The following DPM1 variants were observed in gnomAD, a reference collection of about 807,000 sequenced individuals.
DPM1 encodes the protein dolichol-phosphate mannosyltransferase subunit 1.
In DPM1, 27 loss-of-function variants were observed where a neutral mutation model predicts 39.0. That is an observed-to-expected ratio of 0.69 (90% CI 0.51 to 0.95). DPM1 has a LOEUF of 0.95. DPM1 is among the 40% of genes least tolerant of loss of function. The probability of loss-of-function intolerance (pLI) is 0.00; values close to 1 mark genes in which losing one functional copy is unlikely to be tolerated. For missense variants in DPM1, 307 were observed against 315.6 expected, an observed-to-expected ratio of 0.97 and a Z score of 0.21; for synonymous variants, 124 against 109.0, an observed-to-expected ratio of 1.14 and a Z score of -0.86.
intron 7 of DPM1, among the ~76,000 whole-genome samples, chr20:50,939,929 G>A (rs1042463552): frequency 1.3e-5 from 2 of 152,108 alleles, no homozygotes; most frequent in African/African-American, 4.8e-5. Flanking sequence ...ACGCCCATCC[G>A]CAATCAGAGA....
intron 1 of DPM1, 62 bp downstream of exon 1, chr20:50,958,301 G>C: frequency 6.3e-7 from 1 of 1,596,080 alleles, no homozygotes; most frequent in Non-Finnish European, 8.5e-7. Context: ...GCCAGCTGCC[G>C]ACACCCGGGC....
chr20:50,953,602 CA>C lies in DPM1; in HGVS notation c.261+1583del, dbSNP rs1193231079. Among the ~76,000 whole-genome samples, 3 of 152,156 alleles carry C rather than the reference CA, an allele frequency of 2.0e-5. No homozygotes were observed. The East Asian group carries it at 5.8e-4, about 29-fold the overall frequency. On this transcript the variant is annotated intron_variant, in intron 2 of 8. Transcript: ENST00000371588. ...ATCTGGTAGTAGAGGGAAATCGTAA[CA>C]GTGAATGCAACTTTTTTTCTCATTT...
chr20:50,941,141 G>C, intron 6 of DPM1: 1 of 601,516 alleles, frequency 1.7e-6, no homozygotes, highest in Non-Finnish European at 2.9e-6. Flanking sequence ...GTAATCCCAG[G>C]AGGCCAAGAT....
At position 50,956,009 on chromosome 20, in the gene DPM1, T is replaced by C. The variant is rs555037874; in HGVS notation, c.162-724A>G. Reference sequence around the variant, plus strand: ...ATTATTCTTGTTAATCTGATCCAAATAGAATAATCAAGTATAAATCTGATT... The same window carrying C: ...ATTATTCTTGTTAATCTGATCCAAACAGAATAATCAAGTATAAATCTGATT... On this transcript the variant is annotated intron_variant, in intron 1 of 8. Coordinates refer to ENST00000371588, the MANE Select transcript of DPM1 (RefSeq NM_003859.3). Among the ~76,000 whole-genome samples the C allele has an allele frequency of 1.8e-4, 27 of 152,290 alleles. 1 individual carries two copies. In the South Asian group the frequency reaches 3.7e-3, roughly 21 times the overall value.
At chr20:50,955,320 C>T (rs1242679341) in intron 1 of DPM1, 35 bp from the exon 2 acceptor site, 1 of 1,415,954 alleles carries the variant, frequency 7.1e-7, no homozygotes, top group South Asian at 1.2e-5. Flanking sequence ...TGACTGATGA[C>T]AGTGTTCTCA....
intron 2 of DPM1, 84 bp downstream of exon 2, chr20:50,955,102 G>A (rs1228846414): frequency 9.3e-7 from 1 of 1,071,052 alleles, no homozygotes; most frequent in Non-Finnish European, 1.4e-6. Context: ...TAAACAAATA[G>A]ATTGAATTTA....
chr20:50,947,440 G>C (rs1986354640), intron 3 of DPM1, among the ~76,000 whole-genome samples: 1 of 152,168 alleles, frequency 6.6e-6, no homozygotes, highest in South Asian at 2.1e-4. Context: ...GAATCCCAAA[G>C]AATCTTCTGG....
At chr20:50,937,325 C>G (rs1033648249) in intron 7 of DPM1, among the ~76,000 whole-genome samples, 3 of 152,086 alleles carry the variant, frequency 2.0e-5, no homozygotes, top group African/African-American at 7.2e-5. Flanking sequence ...GTGTGCAATC[C>G]TTTATCCACA....
intron 7 of DPM1, among the ~76,000 whole-genome samples, chr20:50,937,906 G>T (rs1254285935): frequency 1.3e-5 from 2 of 151,990 alleles, no homozygotes; most frequent in Non-Finnish European, 2.9e-5. Context: ...TTAAACTCCT[G>T]GGCTCAAGAT....
chr20:50,943,640 G>A (rs999093787), intron 5 of DPM1, among the ~76,000 whole-genome samples: 7 of 151,690 alleles, frequency 4.6e-5, no homozygotes, highest in African/African-American at 1.5e-4. Context: ...TTACAGGCAT[G>A]AGCCACTGTG....
chr20:50,946,051 G>A (rs758287123), intron 3 of DPM1, 128 bp from the exon 4 acceptor site: 28 of 825,152 alleles, frequency 3.4e-5, no homozygotes, highest in Non-Finnish European at 5.2e-5. Flanking sequence ...TTAATAAATT[G>A]GTATTTTTCA....
intron 7 of DPM1, among the ~76,000 whole-genome samples, chr20:50,939,800 C>T (rs1477921191): frequency 6.6e-6 from 1 of 151,594 alleles, no homozygotes; most frequent in Non-Finnish European, 1.5e-5. Context: ...TTTTAGTAGA[C>T]AGGATTTCGC....
chr20:50,956,482 C>A (rs866343422), intron 1 of DPM1, among the ~76,000 whole-genome samples: 1 of 150,012 alleles, frequency 6.7e-6, no homozygotes, highest in Non-Finnish European at 1.5e-5. Context: ...GCCAAGATGG[C>A]GCCACCGCAC....
In DPM1 at chr20:50,956,330, G is replaced by A. The variant is rs546156667; in HGVS notation, c.162-1045C>T. Among the ~76,000 whole-genome samples the A allele has an allele frequency of 3.9e-5, 6 of 152,052 alleles. No homozygotes were observed. The South Asian group carries it at 6.2e-4, about 16-fold the overall frequency. ...AAGAAACAAATACAAGAGGCTGGGC[G>A]CGGTGGCTCACACCTGTAATCCCAG... On this transcript the variant is annotated intron_variant, in intron 1 of 8. Coordinates refer to ENST00000371588, the MANE Select transcript of DPM1 (RefSeq NM_003859.3).
At chr20:50,947,821 G>A (rs985598376) in intron 3 of DPM1, among the ~76,000 whole-genome samples, 6 of 151,932 alleles carry the variant, frequency 3.9e-5, no homozygotes, top group South Asian at 2.1e-4. Context: ...TAGGGATGGG[G>A]TTTTACCATG....
intron 2 of DPM1, among the ~76,000 whole-genome samples, chr20:50,954,444 C>T (rs556426207): frequency 1.1e-3 from 164 of 152,134 alleles, no homozygotes; most frequent in African/African-American, 3.8e-3. Context: ...TCTGTCCACA[C>T]GTCAATAGTG....
At chr20:50,946,738 C>A (rs919655847) in intron 3 of DPM1, among the ~76,000 whole-genome samples, 2 of 152,162 alleles carry the variant, frequency 1.3e-5, no homozygotes, top group Admixed American at 1.3e-4. Flanking sequence ...TCACAAGTGT[C>A]TTATGAGCAA....
chr20:50,955,275 A>T lies in DPM1; in HGVS notation c.172T>A (p.Tyr58Asn). 1 of 1,611,296 alleles carries T rather than the reference A, an allele frequency of 6.2e-7. No homozygotes were observed. The highest frequency in any genetic ancestry group is 8.5e-7 in the Non-Finnish European group (1 of 1,178,338). The stretch of plus-strand genomic sequence containing the variant: ...CCATCATCTATGATTATAATTTCAT[A>T]GTTGATTCCACTAAAAAAATTAAAT... ...VKSFSESGIN[Y>N]EIIIIDDGSP... Residue 58 changes from tyrosine to asparagine, a missense_variant, in exon 2 of 9, where the codon TAT becomes AAT. This residue lies in a region of DPM1 where 206 missense variants were observed against 188.2 expected (regional missense o/e 1.09). Transcript: ENST00000371588.
chr20:50,936,174 T>C lies in DPM1; in HGVS notation c.652A>G (p.Arg218Gly). 6.2e-7 allele frequency: 1 copy of C among 1,613,518 alleles called. No individual in the cohort carries two copies. The change falls in exon 8 of 9, where the codon AGA (arginine) becomes GGA (glycine). Residue 218 changes from arginine to glycine, a missense_variant. By Grantham distance (125) the Arg-to-Gly change is moderately radical. This residue lies in a region of DPM1 where 70 missense variants were observed against 69.4 expected (regional missense o/e 1.01). Coordinates refer to ENST00000371588, the MANE Select transcript of DPM1 (RefSeq NM_003859.3). ...VFQMEMIVRA[R>G]QLNYTIGEVP... ...TCGCCAATAGTATAATTCAACTGTC[T>C]TGCCCGAACAATCATCTCCATCTGG... is the stretch of plus-strand genomic sequence containing the variant.
Sources: gnomAD v4.1 joint callset for allele counts (sites outside exome capture counted in the v4.1 genomes callset) on GRCh38, gnomAD v4.1.1 for gene constraint, gnomAD v4.1.1 regional missense constraint, MANE v1.5 for transcripts, NCBI Gene and HGNC (gene_info 2026-07-23, HGNC 2026-07-21) for gene names.